Variants in IRS1 observed in about 807,000 individuals in gnomAD.
The protein encoded by IRS1 is insulin receptor substrate 1.
IRS1 carries 34 observed loss-of-function variants against 65.6 expected under a neutral mutation model. That is an observed-to-expected ratio of 0.52 (90% CI 0.39 to 0.69). The LOEUF (loss-of-function observed/expected upper bound fraction) is 0.69. Among genes scored for constraint, IRS1 ranks in the 30% least tolerant of loss-of-function variants. The probability of loss-of-function intolerance (pLI) is 0.00; values close to 1 mark genes in which losing one functional copy is unlikely to be tolerated. For synonymous variants in IRS1, 699 were observed against 683.5 expected, an observed-to-expected ratio of 1.02 and a Z score of -0.35; for missense variants, 1,641 against 1,720.2, an observed-to-expected ratio of 0.95 and a Z score of 0.81.
At chr2:226,753,367 C>G (rs564926238) in intron 1 of IRS1, among the ~76,000 whole-genome samples, 29 of 152,134 alleles carry the variant, frequency 1.9e-4, no homozygotes, top group Non-Finnish European at 1.0e-4. Context: ...TCAAAAGCAC[C>G]CTAAAGTTTT....
chr2:226,781,306 C>T (rs1474471599), intron 1 of IRS1, among the ~76,000 whole-genome samples: 7 of 152,054 alleles, frequency 4.6e-5, no homozygotes, highest in African/African-American at 9.7e-5. Context: ...ACAACTTCTG[C>T]CATTATTTTT....
At chr2:226,754,668 C>A (rs1439825824) in intron 1 of IRS1, among the ~76,000 whole-genome samples, 1 of 152,060 alleles carries the variant, frequency 6.6e-6, no homozygotes, top group Non-Finnish European at 1.5e-5. Context: ...TAAATAGAGT[C>A]CACTGGAATA....
rs921922840 is a variant in IRS1, at chr2:226,733,338, T to A, written c.*2934A>T. 6.6e-6 allele frequency: 1 copy of A among 152,092 alleles called. No homozygotes were observed. Among genetic ancestry groups the A allele is most frequent in the Non-Finnish European group, 1.5e-5 (1 of 68,020 alleles). The allele number at this position is 152,092 out of a possible 1,614,324, so 9.4% of individuals were successfully genotyped here. The stretch of plus-strand genomic sequence containing the variant: ...TTGCAGTCACTGGATTAGTCAAGAG[T>A]CCTTGACCTTTGAAAGTCAGCAAGA... On this transcript the variant is annotated 3_prime_UTR_variant, in exon 2 of 2. Transcript: ENST00000305123.
In IRS1 at chr2:226,797,254, G is replaced by T. The variant is rs1249836717; in HGVS notation, c.1485C>A (p.Thr495=). The change falls in exon 1 of 2, where the codon ACC becomes ACA. Residue 495 remains threonine, a synonymous_variant. Coordinates refer to ENST00000305123, the MANE Select transcript of IRS1 (RefSeq NM_005544.3). This position sits in a 1 kb window ranked among gnomAD's most constrained non-coding sequence, Gnocchi z 8.1. The part of the protein sequence containing the change: ...LSRGGNGHRC[T]PGTGLGTSPA... Reference sequence around the variant, plus strand: ...GACTCGTGCCCAAGCCTGTTCCTGGGGTGCAGCGGTGGCCATTGCCACCCC... The same window carrying T: ...GACTCGTGCCCAAGCCTGTTCCTGGTGTGCAGCGGTGGCCATTGCCACCCC... 4 of 1,613,496 alleles carry T rather than the reference G, an allele frequency of 2.5e-6. No individual in the cohort carries two copies. The African/African-American group carries it at 5.3e-5, about 22-fold the overall frequency.
rs113169834 is a variant in IRS1, at chr2:226,744,465, T to A, written c.*22-8215A>T. 1.7e-3 allele frequency among the ~76,000 whole-genome samples: 252 copies of A among 152,306 alleles called. 1 individual carries two copies. Among genetic ancestry groups the A allele is most frequent in the African/African-American group, 5.3e-3 (221 of 41,558 alleles). On this transcript the variant is annotated intron_variant, in intron 1 of 1. Coordinates refer to ENST00000305123, the MANE Select transcript of IRS1 (RefSeq NM_005544.3). ...CTCAACCTCAGTAGAAGATTTTCCC[T>A]ACAACATACATCTAAGGCAGGGGTC...
chr2:226,750,249 C>CAAA (rs75785691), intron 1 of IRS1, among the ~76,000 whole-genome samples: 1,582 of 59,866 alleles, frequency 0.026, 45 homozygotes, highest in African/African-American at 0.075. Context: ...AACTCTGTCT[C>CAAA]AAAAAAAAAA....
At chr2:226,790,803 A>G (rs1192802762) in intron 1 of IRS1, among the ~76,000 whole-genome samples, 1 of 152,182 alleles carries the variant, frequency 6.6e-6, no homozygotes, top group African/African-American at 2.4e-5. Flanking sequence ...CACATTTTCC[A>G]TCCCATGTAG....
At chr2:226,766,123 A>ATG (rs1939027362) in intron 1 of IRS1, among the ~76,000 whole-genome samples, 2 of 3,728 alleles carry the variant, frequency 5.4e-4, no homozygotes, top group Non-Finnish European at 1.0e-3. Flanking sequence ...TCTTAATCTT[A>ATG]TATATATATA....
At chr2:226,761,771 T>TA (rs148177240) in intron 1 of IRS1, among the ~76,000 whole-genome samples, 24,558 of 151,964 alleles carry the variant, frequency 0.16, 2,835 homozygotes, top group African/African-American at 0.31. Flanking sequence ...CTAACATAAT[T>TA]AGCTACAAAT....
At chr2:226,745,396 A>C (rs1938520672) in intron 1 of IRS1, among the ~76,000 whole-genome samples, 1 of 152,254 alleles carries the variant, frequency 6.6e-6, no homozygotes, top group Admixed American at 6.5e-5. Flanking sequence ...GGTTATTTTC[A>C]GAATGAAGAT....
At position 226,795,286 on chromosome 2, in the gene IRS1, C is replaced by T; in HGVS notation, c.3453G>A (p.Leu1151=). 6.2e-7 allele frequency: 1 copy of T among 1,613,974 alleles called. No homozygotes were observed. Among genetic ancestry groups the T allele is most frequent in the Non-Finnish European group, 8.5e-7 (1 of 1,180,020 alleles). ...HSSASFENVW[L]RPGELGGAPK... Reference sequence around the variant, plus strand: ...GGGCTCCCCCAAGCTCCCCAGGCCTCAGCCACACATTCTCAAAGGAAGCAG... The same window carrying T: ...GGGCTCCCCCAAGCTCCCCAGGCCTTAGCCACACATTCTCAAAGGAAGCAG... The change falls in exon 1 of 2, where the codon CTG becomes CTA. Residue 1151 remains leucine (L), a synonymous_variant. Transcript: ENST00000305123.
intron 1 of IRS1, among the ~76,000 whole-genome samples, chr2:226,756,958 C>CTAAT (rs1232211537): frequency 1.5e-5 from 2 of 137,426 alleles, no homozygotes; most frequent in African/African-American, 2.7e-5. Flanking sequence ...GAGACTCCGT[C>CTAAT]TAATAAATAA....
rs7556692 is a variant in IRS1 at position 226,738,976 on chromosome 2, C to T, written c.*22-2726G>A. Among the ~76,000 whole-genome samples the T allele has an allele frequency of 4.7e-3, 714 of 152,252 alleles. 3 individuals carry two copies. The highest frequency in any genetic ancestry group is 0.016 in the African/African-American group (672 of 41,542). On this transcript the variant is annotated intron_variant, in intron 1 of 1. Transcript: ENST00000305123. ...CACTGTACCCTCTTTTATCATCACACGTACCAACCTGCACGGATGCATAAG... is the reference window on the plus strand; with the variant it reads ...CACTGTACCCTCTTTTATCATCACATGTACCAACCTGCACGGATGCATAAG...
At chr2:226,766,121 T>TTATATA (rs1171119286) in intron 1 of IRS1, among the ~76,000 whole-genome samples, 16 of 14,214 alleles carry the variant, frequency 1.1e-3, no homozygotes, top group East Asian at 1.9e-3. Flanking sequence ...TCTCTTAATC[T>TTATATA]TATATATATA....
rs778618825 is a variant in IRS1 at position 226,796,521 on chromosome 2, C to T, written c.2218G>A (p.Asp740Asn). 1.2e-6 allele frequency: 2 copies of T among 1,613,948 alleles called. No individual in the cohort carries two copies. The highest frequency in any genetic ancestry group is 1.1e-5 in the South Asian group (1 of 91,088). ...GDYMNMSPVG[D>N]SNTSSPSDCY... Reference sequence around the variant, plus strand: ...TCGGAGGGGCTGCTGGTGTTGGAGTCCCCCACTGGTGACATGTTCATGTAG... The same window carrying T: ...TCGGAGGGGCTGCTGGTGTTGGAGTTCCCCACTGGTGACATGTTCATGTAG... The change falls in exon 1 of 2, where the codon GAC (aspartate) becomes AAC (asparagine). Residue 740 changes from aspartate (D) to asparagine (N), a missense_variant. Coordinates refer to ENST00000305123, the MANE Select transcript of IRS1 (RefSeq NM_005544.3).
At chr2:226,779,885 G>A (rs1939347626) in intron 1 of IRS1, among the ~76,000 whole-genome samples, 1 of 152,232 alleles carries the variant, frequency 6.6e-6, no homozygotes, top group South Asian at 2.1e-4. Context: ...ATTAGGTTCA[G>A]TTTTCCAGAC....
Position 226,798,619 on chromosome 2 carries a change from G to A in IRS1, c.120C>T (p.Gly40=), listed in dbSNP as rs759116265. Residue 40 remains glycine, a synonymous_variant, in exon 1 of 2, where the codon GGC becomes GGT. Transcript: ENST00000305123. The surrounding 1 kb of genome is among the most constrained non-coding windows in gnomAD (Gnocchi z 9.4). ...FVLRAASEAG[G]PARLEYYENE... ...TCTCGTAGTACTCGAGGCGCGCCGGGCCCCCAGCCTCGCTGGCCGCGCGCA... is the reference window on the plus strand; with the variant it reads ...TCTCGTAGTACTCGAGGCGCGCCGGACCCCCAGCCTCGCTGGCCGCGCGCA... 2 of 1,612,968 alleles carry A rather than the reference G, an allele frequency of 1.2e-6. No homozygotes were observed. The highest frequency in any genetic ancestry group is 1.3e-5 in the African/African-American group (1 of 74,914).
chr2:226,777,317 G>A (rs1029610770), intron 1 of IRS1, among the ~76,000 whole-genome samples: 9 of 152,264 alleles, frequency 5.9e-5, no homozygotes, highest in South Asian at 2.1e-4. Context: ...ATAAAAAAGT[G>A]TATTTTAAAA....
chr2:226,795,632 G>A lies in IRS1; in HGVS notation c.3107C>T (p.Ser1036Leu). ...CGGGGAAGCAGAGGCTGCTGAGGAT[G>A]AGGAGGCAGCAGCCATGGTGGCCCT... Reference protein sequence around the residue: ...LPRATMAAASSSSAASASPTG... With the variant: ...LPRATMAAASLSSAASASPTG... Residue 1036 changes from serine to leucine, a missense_variant, in exon 1 of 2, where the codon TCA becomes TTA. By Grantham distance (145) the Ser-to-Leu change is moderately radical (BLOSUM62 -2). Coordinates refer to ENST00000305123, the MANE Select transcript of IRS1 (RefSeq NM_005544.3). 1 of 1,612,706 alleles carries A rather than the reference G, an allele frequency of 6.2e-7. No individual in the cohort carries two copies. Among genetic ancestry groups the A allele is most frequent in the Non-Finnish European group, 8.5e-7 (1 of 1,179,834 alleles).
Sources: gnomAD v4.1 joint callset for allele counts (sites outside exome capture counted in the v4.1 genomes callset) on GRCh38, gnomAD v4.1.1 for gene constraint, Gnocchi (gnomAD v3.1) non-coding constraint, MANE v1.5 for transcripts, NCBI Gene and HGNC (gene_info 2026-07-23, HGNC 2026-07-21) for gene names.